ADGRD1: variants seen among roughly 807,000 people sequenced by gnomAD.
The protein encoded by ADGRD1 is G-protein coupled receptor 133.
In ADGRD1, 77 loss-of-function variants were observed where a neutral mutation model predicts 113.4. That is an observed-to-expected ratio of 0.68 (90% CI 0.57 to 0.82). The LOEUF (loss-of-function observed/expected upper bound fraction) is 0.82. Ranked by LOEUF, ADGRD1 falls within the 40% of genes least tolerant of loss-of-function variation. The pLI, the probability that ADGRD1 is intolerant of heterozygous loss-of-function variation, is 0.00. For missense variants in ADGRD1, 1,036 were observed against 1,139.1 expected, an observed-to-expected ratio of 0.91 and a Z score of 1.30; for synonymous variants, 474 against 475.0, an observed-to-expected ratio of 1.00 and a Z score of 0.03.
chr12:131,079,378 G>C (rs1238954029), intron 14 of ADGRD1, among the ~76,000 whole-genome samples: 5 of 152,116 alleles, frequency 3.3e-5, no homozygotes, highest in Admixed American at 3.3e-4. Flanking sequence ...TTATCTTTTT[G>C]TATACTGCTA....
At chr12:130,974,537 G>A (rs865881755) in intron 4 of ADGRD1, among the ~76,000 whole-genome samples, 13 of 152,152 alleles carry the variant, frequency 8.5e-5, no homozygotes, top group Non-Finnish European at 1.2e-4. Flanking sequence ...TGTGTTCAGC[G>A]AGTCCTCCGC....
chr12:130,991,980 G>A (rs1874453377), intron 7 of ADGRD1, among the ~76,000 whole-genome samples: 3 of 152,014 alleles, frequency 2.0e-5, no homozygotes, highest in Admixed American at 2.0e-4. Context: ...AATTAGCCAG[G>A]CATGGTGGTG....
chr12:131,132,547 C>G (rs140800966), intron 21 of ADGRD1, among the ~76,000 whole-genome samples: 1 of 152,208 alleles, frequency 6.6e-6, no homozygotes, highest in Non-Finnish European at 1.5e-5. Flanking sequence ...AGCTCGCCTT[C>G]GCATCCTTAG....
chr12:131,069,525 C>A (rs61939664), intron 13 of ADGRD1: 1 of 134,784 alleles, frequency 7.4e-6, no homozygotes, highest in Admixed American at 7.4e-5. Context: ...CAGGGCAGGT[C>A]CGTGGAAAAG....
In ADGRD1 at chr12:131,019,976, G is replaced by A. The variant is rs1195910; in HGVS notation, c.1473+5636G>A. Among the ~76,000 whole-genome samples, 41 of 52,318 alleles carry A rather than the reference G, an allele frequency of 7.8e-4. 11 individuals are homozygous for A. Among genetic ancestry groups the A allele is most frequent in the Middle Eastern group, 0.024 (2 of 82 alleles). 34.3% of individuals were successfully genotyped at this position (52,318 alleles called of 152,430 possible). A position where few individuals can be genotyped will look rare whatever the true frequency, so the allele number is the denominator to read the frequency against. On this transcript the variant is annotated intron_variant, in intron 13 of 24. Transcript: ENST00000261654. ...ACCCCGAGCTCCGTCCAGGGCAGGG[G>A]GTGCTCGAGAGAGATATTCCAGGGG... is the stretch of plus-strand genomic sequence containing the variant.
Position 130,984,556 on chromosome 12 carries a change from G to A in ADGRD1, c.490+2493G>A, listed in dbSNP as rs1478543467. On this transcript the variant is annotated intron_variant, in intron 5 of 24. Coordinates refer to ENST00000261654, the MANE Select transcript of ADGRD1 (RefSeq NM_198827.5). This position sits in a 1 kb window ranked among gnomAD's most constrained non-coding sequence, Gnocchi z 4.1. ...TCCCATTACCCTCCGCCTCTACACA[G>A]GCACAGCTTCCCCCACTATGGACAT... Among the ~76,000 whole-genome samples the A allele has an allele frequency of 1.3e-5, 2 of 152,052 alleles. No individual in the cohort carries two copies. The highest frequency in any genetic ancestry group is 2.9e-5 in the Non-Finnish European group (2 of 68,014).
chr12:131,080,368 G>A (rs1380161405), intron 14 of ADGRD1, among the ~76,000 whole-genome samples: 1 of 151,506 alleles, frequency 6.6e-6, no homozygotes, highest in African/African-American at 2.4e-5. Context: ...TTTTAAATTT[G>A]TTAAAAGTTT....
rs144732392 is a variant in ADGRD1, at chr12:131,002,807, C to T, written c.1027-378C>T. On this transcript the variant is annotated intron_variant, in intron 9 of 24. Transcript: ENST00000261654. ...CCCCATCCCAGAGTGGACCTGGGGG[C>T]GATCAGCCCCTCCTCGTGAAGCACA... is the stretch of plus-strand genomic sequence containing the variant. 1.2e-4 allele frequency: 144 copies of T among 1,232,562 alleles called. No individual in the cohort carries two copies. In the East Asian group the frequency reaches 2.3e-3, roughly 20 times the overall value. 76.4% of individuals were successfully genotyped at this position (1,232,562 alleles called of 1,614,324 possible).
In ADGRD1 at chr12:131,136,281, G is replaced by C. The variant is rs934103469; in HGVS notation, c.2394+118G>C. 2.4e-6 allele frequency: 3 copies of C among 1,247,626 alleles called. No individual in the cohort carries two copies. In the African/African-American group the frequency reaches 4.5e-5, roughly 19 times the overall value. The allele number at this position is 1,247,626 out of a possible 1,614,324, so 77.3% of individuals were successfully genotyped here. A position where few individuals can be genotyped will look rare whatever the true frequency, so the allele number is the denominator to read the frequency against. On this transcript the variant is annotated intron_variant, in intron 22 of 24. Transcript: ENST00000261654. Reference sequence around the variant, plus strand: ...CTGCCCTCCCGGCCACACCTTAGGAGCCTGTAATGCGGGGCATCCCCGAAG... The same window carrying C: ...CTGCCCTCCCGGCCACACCTTAGGACCCTGTAATGCGGGGCATCCCCGAAG...
At position 131,108,732 on chromosome 12, in the gene ADGRD1, C is replaced by A; in HGVS notation, c.1896C>A (p.Cys632Ter). 1 of 1,614,126 alleles carries A rather than the reference C, an allele frequency of 6.2e-7. No homozygotes were observed. Among genetic ancestry groups the A allele is most frequent in the Non-Finnish European group, 8.5e-7 (1 of 1,179,998 alleles). ...CTCTGGTTAAATCCTAGACCCCCTG[C>A]CAAGTGATGGCCGTGCTCCTACACT... is the stretch of plus-strand genomic sequence containing the variant. Reference protein sequence around the residue: ...SFRLEPGTTPCQVMAVLLHYF... With the variant: ...SFRLEPGTTP The change falls in exon 18 of 25, where the codon TGC becomes TGA. Residue 632 changes from cysteine to a stop codon, truncating the protein, a stop_gained. Coordinates refer to ENST00000261654, the MANE Select transcript of ADGRD1 (RefSeq NM_198827.5). LOFTEE classifies it high-confidence loss of function.
intron 9 of ADGRD1, chr12:131,002,771 G>A: frequency 8.0e-7 from 1 of 1,254,656 alleles, no homozygotes; most frequent in Non-Finnish European, 1.0e-6. Context: ...AGGGGACAGA[G>A]CTGCTGGTGT....
chr12:130,974,574 T>C (rs1241639080), intron 4 of ADGRD1, among the ~76,000 whole-genome samples: 1 of 152,200 alleles, frequency 6.6e-6, no homozygotes, highest in Non-Finnish European at 1.5e-5. Flanking sequence ...GGCACAAACT[T>C]ATAACCTGTT....
intron 13 of ADGRD1, chr12:131,035,544 T>A (rs1385975837): frequency 6.6e-6 from 1 of 152,226 alleles, no homozygotes; most frequent in Non-Finnish European, 1.5e-5. Context: ...GTCTGCACCT[T>A]CAGACCGCCT....
intron 14 of ADGRD1, among the ~76,000 whole-genome samples, chr12:131,080,897 G>A (rs1886020015): frequency 6.6e-6 from 1 of 152,200 alleles, no homozygotes; most frequent in African/African-American, 2.4e-5. Context: ...TGGGATTACA[G>A]GCGTGAGCCA....
At chr12:130,981,264 A>ATTTT (rs1288500800) in intron 4 of ADGRD1, 1 of 152,244 alleles carries the variant, frequency 6.6e-6, no homozygotes, top group African/African-American at 2.4e-5. Flanking sequence ...TGTTTAAAAA[A>ATTTT]AAGACTGTGG....
At chr12:130,973,631 G>A (rs948479893) in intron 4 of ADGRD1, among the ~76,000 whole-genome samples, 1 of 152,174 alleles carries the variant, frequency 6.6e-6, no homozygotes, top group Non-Finnish European at 1.5e-5. Flanking sequence ...TCCCAAACAT[G>A]TATTCACTCA....
chr12:131,129,907 A>C (rs1250157550), intron 20 of ADGRD1, among the ~76,000 whole-genome samples: 1 of 152,246 alleles, frequency 6.6e-6, no homozygotes, highest in Non-Finnish European at 1.5e-5. Flanking sequence ...CAGATGGCCA[A>C]GGCCAGCCTG....
At chr12:131,008,943 G>A (rs1311832394) in intron 12 of ADGRD1, among the ~76,000 whole-genome samples, 2 of 152,226 alleles carry the variant, frequency 1.3e-5, no homozygotes, top group Middle Eastern at 3.2e-3. Context: ...ACGGAGCACC[G>A]ATGGAACCAG....
rs773964672 is a variant in ADGRD1 at position 130,966,582 on chromosome 12, G to A, written c.187+36G>A. 5.5e-6 allele frequency: 7 copies of A among 1,280,490 alleles called. No homozygotes were observed. The highest frequency in any genetic ancestry group is 1.8e-4 in the Middle Eastern group (1 of 5,416). The allele number at this position is 1,280,490 out of a possible 1,614,324, so 79.3% of individuals were successfully genotyped here. A position where few individuals can be genotyped will look rare whatever the true frequency, so the allele number is the denominator to read the frequency against. On this transcript the variant is annotated intron_variant, in intron 3 of 24. Coordinates refer to ENST00000261654, the MANE Select transcript of ADGRD1 (RefSeq NM_198827.5). This position sits in a 1 kb window ranked among gnomAD's most constrained non-coding sequence, Gnocchi z 4.6. ...GGGTGCTGAGAGCGGCTGTGGGCGC[G>A]GGAATCCCAGGGCCATCAGGAGGCG...
Sources: allele counts gnomAD v4.1 joint callset (sites outside exome capture counted in the v4.1 genomes callset), GRCh38; gene constraint gnomAD v4.1.1; non-coding constraint Gnocchi (gnomAD v3.1); transcripts MANE v1.5; gene names NCBI Gene and HGNC (gene_info 2026-07-23, HGNC 2026-07-21).